MARCHF1: variants seen among roughly 807,000 people sequenced by gnomAD.
MARCHF1 encodes membrane associated ring-CH-type finger 1, also known as E3 ubiquitin-protein ligase MARCHF1.
A neutral mutation model predicts 54.2 loss-of-function variants in MARCHF1; 40 were observed. The ratio of observed to expected loss-of-function variants is 0.74; its 90% confidence interval spans 0.57 to 0.96. The LOEUF is 0.96. MARCHF1 is among the 40% of genes least tolerant of loss of function. The pLI is 0.00. For missense variants in MARCHF1, 586 were observed against 656.5 expected, an observed-to-expected ratio of 0.89 and a Z score of 1.17; for synonymous variants, 236 against 236.3, an observed-to-expected ratio of 1.00 and a Z score of 0.01.
chr4:163,719,120 T>C (rs923247409), intron 4 of MARCHF1, among the ~76,000 whole-genome samples: 1 of 152,170 alleles, frequency 6.6e-6, no homozygotes, highest in Non-Finnish European at 1.5e-5. Context: ...CATGTTGGTG[T>C]GCTGCACCCA....
At chr4:164,096,183 T>C (rs1049709353) in intron 2 of MARCHF1, among the ~76,000 whole-genome samples, 2 of 152,104 alleles carry the variant, frequency 1.3e-5, no homozygotes, top group African/African-American at 4.8e-5. Context: ...CCATCGATGG[T>C]GGACTGACTA....
chr4:163,834,417 AAAT>A (rs1245607610), intron 4 of MARCHF1, among the ~76,000 whole-genome samples: 1 of 152,204 alleles, frequency 6.6e-6, no homozygotes, highest in Non-Finnish European at 1.5e-5. Context: ...CATTATAAGA[AAAT>A]AAAGCTGTTT....
chr4:163,729,741 T>G, intron 4 of MARCHF1, among the ~76,000 whole-genome samples: 1 of 152,140 alleles, frequency 6.6e-6, no homozygotes, highest in African/African-American at 2.4e-5. Context: ...TTGTCTTCTC[T>G]CAGACATTTT....
chr4:164,313,147 G>A (rs1734908254), intron 1 of MARCHF1, among the ~76,000 whole-genome samples: 1 of 149,352 alleles, frequency 6.7e-6, no homozygotes, highest in Admixed American at 6.7e-5. Context: ...GACCATCCTG[G>A]CTAATTCAGT....
chr4:164,073,779 GT>G (rs961883433), intron 2 of MARCHF1, among the ~76,000 whole-genome samples: 22 of 148,622 alleles, frequency 1.5e-4, no homozygotes, highest in Admixed American at 5.4e-4. Context: ...ATTTTAGAAA[GT>G]TTTTTTTTTG....
At chr4:164,183,554 C>T (rs1266228463) in intron 1 of MARCHF1, among the ~76,000 whole-genome samples, 1 of 152,180 alleles carries the variant, frequency 6.6e-6, no homozygotes, top group African/African-American at 2.4e-5. Context: ...AGCCTTCTCA[C>T]TCTGTGGTTA....
chr4:164,378,688 A>ATAGATCATC (rs1428009946), intron 1 of MARCHF1, among the ~76,000 whole-genome samples: 1 of 152,162 alleles, frequency 6.6e-6, no homozygotes, highest in Non-Finnish European at 1.5e-5. Flanking sequence ...TTGGGGATGT[A>ATAGATCATC]TAGATCATCT....
intron 2 of MARCHF1, among the ~76,000 whole-genome samples, chr4:164,110,627 C>T (rs1396885653): frequency 1.3e-5 from 2 of 150,500 alleles, no homozygotes; most frequent in African/African-American, 4.9e-5. Context: ...TTTTTTTCAT[C>T]TAGTCGATCC....
chr4:164,231,324 C>T (rs1229477464), intron 1 of MARCHF1, among the ~76,000 whole-genome samples: 1 of 152,182 alleles, frequency 6.6e-6, no homozygotes, highest in Admixed American at 6.5e-5. Flanking sequence ...AATATGGCTT[C>T]TTTCATATTT....
chr4:163,574,305 G>T (rs1377170145), intron 8 of MARCHF1, among the ~76,000 whole-genome samples: 1 of 152,080 alleles, frequency 6.6e-6, no homozygotes, highest in Non-Finnish European at 1.5e-5. Flanking sequence ...CTGTGCAGAA[G>T]CTCTTTAGTT....
intron 4 of MARCHF1, among the ~76,000 whole-genome samples, chr4:163,792,401 CAT>C: frequency 6.6e-6 from 1 of 152,218 alleles, no homozygotes; most frequent in African/African-American, 2.4e-5. Context: ...TTCTGAGTAA[CAT>C]ATCCCACAAA....
At chr4:164,165,351 G>A (rs1343569905) in intron 1 of MARCHF1, among the ~76,000 whole-genome samples, 1 of 126,668 alleles carries the variant, frequency 7.9e-6, no homozygotes, top group African/African-American at 3.7e-5. Context: ...ACACAAGCAC[G>A]TTTTCTCTCT....
At chr4:164,200,260 G>A (rs1167664370) in intron 1 of MARCHF1, among the ~76,000 whole-genome samples, 2 of 152,158 alleles carry the variant, frequency 1.3e-5, no homozygotes, top group African/African-American at 4.8e-5. Flanking sequence ...CTGGCAAGAT[G>A]CAAGATATCA....
intron 3 of MARCHF1, among the ~76,000 whole-genome samples, chr4:163,931,483 T>G (rs1751674722): frequency 6.6e-6 from 1 of 152,096 alleles, no homozygotes; most frequent in South Asian, 2.1e-4. Context: ...GAGGCGTGTT[T>G]GCCCCTTCCA....
At chr4:164,125,434 A>G (rs1240618936) in intron 1 of MARCHF1, among the ~76,000 whole-genome samples, 1 of 152,196 alleles carries the variant, frequency 6.6e-6, no homozygotes, top group Admixed American at 6.6e-5. Context: ...AATATACTTC[A>G]TTGAGGACCA....
rs34183134 is a variant in MARCHF1 at position 164,036,102 on chromosome 4, C to CAAAA, written c.-247-47397_-247-47394dup. ...TGGGTGATACAGTGAGATTCTGTCT[C>CAAAA]AAAAAAAAAAAAAACAAAAAACAAA... On this transcript the variant is annotated intron_variant, in intron 2 of 9. Transcript: ENST00000514618. Among the ~76,000 whole-genome samples the CAAAA allele has an allele frequency of 6.7e-3, 557 of 82,894 alleles. 6 individuals are homozygous for CAAAA. Among genetic ancestry groups the CAAAA allele is most frequent in the African/African-American group, 0.021 (531 of 25,506 alleles). The allele number at this position is 82,894 out of a possible 152,430, so 54.4% of individuals were successfully genotyped here. A position where few individuals can be genotyped will look rare whatever the true frequency, so the allele number is the denominator to read the frequency against.
At chr4:163,899,763 T>TACACACACACAC (rs70948674) in intron 3 of MARCHF1, among the ~76,000 whole-genome samples, 1,780 of 148,822 alleles carry the variant, frequency 0.012, 26 homozygotes, top group South Asian at 0.033. Context: ...TCTCACCCAC[T>TACACACACACAC]ACACACACAC....
At chr4:164,087,399 T>C (rs1236631718) in intron 2 of MARCHF1, among the ~76,000 whole-genome samples, 1 of 151,952 alleles carries the variant, frequency 6.6e-6, no homozygotes, top group Non-Finnish European at 1.5e-5. Flanking sequence ...AATTAGAAAA[T>C]TTTTTAGTCT....
At chr4:164,305,468 C>T (rs1218658609) in intron 1 of MARCHF1, among the ~76,000 whole-genome samples, 1 of 151,986 alleles carries the variant, frequency 6.6e-6, no homozygotes, top group Non-Finnish European at 1.5e-5. Context: ...TTTTAGAAAT[C>T]AGAACACCAG....
Sources: allele counts gnomAD v4.1 joint callset (sites outside exome capture counted in the v4.1 genomes callset), GRCh38; gene constraint gnomAD v4.1.1; transcripts MANE v1.5; gene names NCBI Gene and HGNC (gene_info 2026-07-23, HGNC 2026-07-21).